NFIC: variants seen among roughly 807,000 people sequenced by gnomAD.
NFIC encodes nuclear factor 1 C-type.
A neutral mutation model predicts 54.4 loss-of-function variants in NFIC; 12 were observed. The ratio of observed to expected loss-of-function variants is 0.22; its 90% confidence interval spans 0.14 to 0.36. The LOEUF is 0.36. Among genes scored for constraint, NFIC ranks in the 10% least tolerant of loss-of-function variants. The pLI, the probability that NFIC is intolerant of heterozygous loss-of-function variation, is 1.00. For synonymous variants in NFIC, 322 were observed against 319.2 expected (o/e 1.01, Z -0.09); for missense variants, 575 against 718.2 (o/e 0.80, Z 2.28).
At chr19:3,424,150 C>T (rs796490537) in intron 2 of NFIC, among the ~76,000 whole-genome samples, 7 of 152,038 alleles carry the variant, frequency 4.6e-5, no homozygotes, top group African/African-American at 1.7e-4. Context: ...GACTCAGCCT[C>T]CTGAGTAGCT....
intron 1 of NFIC, among the ~76,000 whole-genome samples, chr19:3,379,423 C>T (rs1303680626): frequency 6.6e-6 from 1 of 150,704 alleles, no homozygotes; most frequent in African/African-American, 2.4e-5. Context: ...GGCGAGCTCT[C>T]GGCTCACTGC....
At chr19:3,400,945 T>C (rs1172236198) in intron 2 of NFIC, among the ~76,000 whole-genome samples, 2 of 152,206 alleles carry the variant, frequency 1.3e-5, no homozygotes, top group East Asian at 3.8e-4. Context: ...TGATGGGCTG[T>C]GCTGGGGAGG....
intron 2 of NFIC, among the ~76,000 whole-genome samples, chr19:3,393,129 T>C (rs532992107): frequency 8.8e-4 from 134 of 152,072 alleles, no homozygotes; most frequent in Non-Finnish European, 1.7e-3. Context: ...TTAGTAGAGA[T>C]GGAGTTTTAC....
intron 6 of NFIC, among the ~76,000 whole-genome samples, chr19:3,441,558 C>T (rs1038318384): frequency 4.6e-5 from 7 of 152,264 alleles, no homozygotes; most frequent in East Asian, 1.9e-4. Flanking sequence ...CCAAGGGGGA[C>T]GCCTCAGAAC....
intron 6 of NFIC, among the ~76,000 whole-genome samples, chr19:3,443,745 G>A (rs899719925): frequency 6.6e-6 from 1 of 152,176 alleles, no homozygotes; most frequent in Non-Finnish European, 1.5e-5. Context: ...TGGTTGTCAC[G>A]ACTGCAGGGT....
In NFIC at chr19:3,464,197, C is replaced by CG. The variant is rs2082684287; in HGVS notation, c.*1431dup. On this transcript the variant is annotated 3_prime_UTR_variant, in exon 11 of 11. Coordinates refer to ENST00000443272, the MANE Select transcript of NFIC (RefSeq NM_001245002.2). The stretch of plus-strand genomic sequence containing the variant: ...CCTACCCCGACGCGGGGCCCAGCTG[C>CG]GGGACGTGCATCACGGCTGGGCCCC... The CG allele has an allele frequency of 2.0e-6, 2 of 985,384 alleles. No individual in the cohort carries two copies. The highest frequency in any genetic ancestry group is 2.4e-6 in the Non-Finnish European group (2 of 829,914). The allele number at this position is 985,384 out of a possible 1,614,324, so 61.0% of individuals were successfully genotyped here. A position where few individuals can be genotyped will look rare whatever the true frequency, so the allele number is the denominator to read the frequency against.
intron 2 of NFIC, chr19:3,411,115 A>C (rs1365592375): frequency 6.6e-6 from 1 of 151,892 alleles, no homozygotes; most frequent in Non-Finnish European, 1.5e-5. Context: ...TCCTGGGCTC[A>C]AGCAGTCCTC....
chr19:3,411,969 AAGC>A (rs2081770398), intron 2 of NFIC, among the ~76,000 whole-genome samples: 1 of 152,238 alleles, frequency 6.6e-6, no homozygotes, highest in Non-Finnish European at 1.5e-5. Context: ...CAGCTGCAGA[AAGC>A]AGCACATTTC....
chr19:3,377,333 C>CAAAAAA (rs71164684), intron 1 of NFIC, among the ~76,000 whole-genome samples: 3 of 57,850 alleles, frequency 5.2e-5, no homozygotes, highest in African/African-American at 7.3e-5. Context: ...GACTCTGTCT[C>CAAAAAA]AAAAAAAAAA....
At chr19:3,400,845 AAAT>A (rs1416364045) in intron 2 of NFIC, among the ~76,000 whole-genome samples, 1 of 152,250 alleles carries the variant, frequency 6.6e-6, no homozygotes, top group African/African-American at 2.4e-5. Context: ...CCGTCTCAAA[AAAT>A]AATAATAATA....
chr19:3,416,982 C>T (rs1158918498), intron 2 of NFIC, among the ~76,000 whole-genome samples: 3 of 151,448 alleles, frequency 2.0e-5, no homozygotes, highest in African/African-American at 4.9e-5. Context: ...CTGCCGGGTT[C>T]ACGCCATTCT....
chr19:3,441,248 G>A (rs1219954578), intron 6 of NFIC, among the ~76,000 whole-genome samples: 2 of 152,222 alleles, frequency 1.3e-5, no homozygotes, highest in African/African-American at 4.8e-5. Context: ...TCACCCCAGC[G>A]GCAAGCGGGT....
At chr19:3,410,095 C>T (rs943931261) in intron 2 of NFIC, among the ~76,000 whole-genome samples, 4 of 151,856 alleles carry the variant, frequency 2.6e-5, no homozygotes, top group Admixed American at 6.6e-5. Flanking sequence ...GGCTGGAGTG[C>T]AGTGGTTCGA....
At chr19:3,387,601 G>C (rs2081317912) in intron 2 of NFIC, among the ~76,000 whole-genome samples, 1 of 152,116 alleles carries the variant, frequency 6.6e-6, no homozygotes, top group African/African-American at 2.4e-5. Flanking sequence ...GGATGGGGAG[G>C]GCTTCTCTGA....
In NFIC at chr19:3,464,062, G is replaced by A; in HGVS notation, c.*1293G>A. 2 of 985,074 alleles carry A rather than the reference G, an allele frequency of 2.0e-6. No individual in the cohort carries two copies. The highest frequency in any genetic ancestry group is 2.4e-6 in the Non-Finnish European group (2 of 829,876). 61.0% of individuals were successfully genotyped at this position (985,074 alleles called of 1,614,324 possible). ...TGCCGGGGCGCGGGGGTGGGCTCTG[G>A]GGAAGCCGGTGCGCCCCCCACGCCT... is the stretch of plus-strand genomic sequence containing the variant. On this transcript the variant is annotated 3_prime_UTR_variant, in exon 11 of 11. Coordinates refer to ENST00000443272, the MANE Select transcript of NFIC (RefSeq NM_001245002.2).
intron 6 of NFIC, among the ~76,000 whole-genome samples, chr19:3,437,711 C>T (rs1250201751): frequency 2.7e-5 from 4 of 146,008 alleles, no homozygotes; most frequent in Non-Finnish European, 4.5e-5. Flanking sequence ...TTTTTTGAGA[C>T]GGAGTTTCGC....
At position 3,451,026 on chromosome 19, in the gene NFIC, G is replaced by A. The variant is rs114005498; in HGVS notation, c.1085-1456G>A. On this transcript the variant is annotated intron_variant, in intron 7 of 10. Coordinates refer to ENST00000443272, the MANE Select transcript of NFIC (RefSeq NM_001245002.2). Reference sequence around the variant, plus strand: ...AATATTTACTATCTGGCCAGAGGCTGTGGAGATGAGGGAGTGACTGCTATA... The same window carrying A: ...AATATTTACTATCTGGCCAGAGGCTATGGAGATGAGGGAGTGACTGCTATA... 4.2e-3 allele frequency among the ~76,000 whole-genome samples: 642 copies of A among 152,328 alleles called. 6 individuals are homozygous for A. The highest frequency in any genetic ancestry group is 0.015 in the African/African-American group (609 of 41,562).
rs756954139 is a variant in NFIC, at chr19:3,434,304, A to G, written c.737A>G (p.Asn246Ser). The G allele has an allele frequency of 1.1e-5, 17 of 1,612,446 alleles. No individual in the cohort carries two copies. Among genetic ancestry groups the G allele is most frequent in the South Asian group, 3.3e-5 (3 of 91,008 alleles). The change falls in exon 5 of 11, where the codon AAC (asparagine) becomes AGC (serine). Residue 246 changes from asparagine (N) to serine (S), a missense_variant. Around this residue, in one of 3 missense-constraint regions of NFIC, gnomAD observed 447 missense variants for 526.9 expected, o/e 0.85. Transcript: ENST00000443272. The part of the protein sequence containing the change: ...RTPVVTGTGP[N>S]FSLGELQGHL... Reference sequence around the variant, plus strand: ...CCCGTGGTGACTGGAACAGGACCCAACTTCTCCCTGGGGGAGCTGCAGGGG... The same window carrying G: ...CCCGTGGTGACTGGAACAGGACCCAGCTTCTCCCTGGGGGAGCTGCAGGGG...
At chr19:3,379,673 C>CTTTTTTTTTTTTTTTTTT (rs370082450) in intron 1 of NFIC, among the ~76,000 whole-genome samples, 17 of 102,536 alleles carry the variant, frequency 1.7e-4, no homozygotes, top group Non-Finnish European at 1.9e-4. Flanking sequence ...TTATTTCTTT[C>CTTTTTTTTTTTTTTTTTT]TTTTTTTTTT....
Sources: allele counts gnomAD v4.1 joint callset (sites outside exome capture counted in the v4.1 genomes callset), GRCh38; gene constraint gnomAD v4.1.1; regional missense constraint gnomAD v4.1.1; transcripts MANE v1.5; gene names NCBI Gene and HGNC (gene_info 2026-07-23, HGNC 2026-07-21).